Variants in KAZN observed in about 807,000 individuals in gnomAD.
The protein encoded by KAZN is kazrin.
A neutral mutation model predicts 87.4 loss-of-function variants in KAZN; 40 were observed. The observed-to-expected ratio is 0.46, with a 90% CI of 0.36 to 0.60. The LOEUF is 0.60. Among genes scored for constraint, KAZN ranks in the 20% least tolerant of loss-of-function variants. The pLI, the probability that KAZN is intolerant of heterozygous loss-of-function variation, is 0.00. For synonymous variants in KAZN, 466 were observed against 458.3 expected (o/e 1.02, Z -0.22); for missense variants, 898 against 1,073.9 (o/e 0.84, Z 2.29).
At chr1:14,350,910 CCT>C (rs1355146203) in intron 2 of KAZN, 1 of 152,276 alleles carries the variant, frequency 6.6e-6, no homozygotes, top group Non-Finnish European at 1.5e-5. Context: ...TTTGATGTCC[CCT>C]GAGTGGCAGG....
Position 14,049,451 on chromosome 1 carries a change from A to T in KAZN, c.92-130984A>T, listed in dbSNP as rs141043075. On this transcript the variant is annotated intron_variant, in intron 1 of 16. Transcript: ENST00000636203. ...CTGCACGTTGTGCACATGTACCCTA[A>T]AACTTAAAGTATAATTAAAACAAAC... 1.2e-3 allele frequency among the ~76,000 whole-genome samples: 190 copies of T among 152,292 alleles called. 5 individuals carry two copies. The East Asian group carries it at 0.028, about 23-fold the overall frequency.
chr1:14,566,779 C>T (rs1027396663), intron 2 of KAZN, among the ~76,000 whole-genome samples: 13 of 152,202 alleles, frequency 8.5e-5, no homozygotes, highest in African/African-American at 2.9e-4. Context: ...CAAACTTCTA[C>T]TAGCTCCCAA....
chr1:14,858,352 A>C (rs1650418095), intron 1 of KAZN, among the ~76,000 whole-genome samples: 1 of 151,750 alleles, frequency 6.6e-6, no homozygotes, highest in Non-Finnish European at 1.5e-5. Flanking sequence ...AGCTGGAATT[A>C]CAGGCGCCTG....
chr1:13,920,616 C>G (rs1426702425), intron 1 of KAZN, among the ~76,000 whole-genome samples: 3 of 152,146 alleles, frequency 2.0e-5, no homozygotes, highest in African/African-American at 7.2e-5. Flanking sequence ...CAGGAGCCTT[C>G]TCTCTTACAA....
At chr1:14,564,120 G>A (rs887119289) in intron 2 of KAZN, among the ~76,000 whole-genome samples, 4 of 151,910 alleles carry the variant, frequency 2.6e-5, no homozygotes, top group African/African-American at 9.7e-5. Flanking sequence ...GAGGGCCTTA[G>A]TACTTAAGTC....
chr1:14,914,327 C>T (rs1338853352), intron 1 of KAZN, among the ~76,000 whole-genome samples: 4 of 152,212 alleles, frequency 2.6e-5, no homozygotes, highest in Non-Finnish European at 5.9e-5. Flanking sequence ...CCTCTCTGGG[C>T]TTTGCATTTC....
At position 14,309,395 on chromosome 1, in the gene KAZN, T is replaced by C. The variant is rs138635805; in HGVS notation, c.249+128803T>C. Among the ~76,000 whole-genome samples, 787 of 152,328 alleles carry C rather than the reference T, an allele frequency of 5.2e-3. 9 individuals are homozygous for C. Among genetic ancestry groups the C allele is most frequent in the African/African-American group, 0.018 (749 of 41,574 alleles). On this transcript the variant is annotated intron_variant, in intron 2 of 16. Coordinates refer to the KAZN transcript ENST00000636203. ...GAGATATGGATATTTTTTCAGTTAC[T>C]ACAGCAGAGGACCTCAGTGTCCAGC...
intron 2 of KAZN, among the ~76,000 whole-genome samples, chr1:14,991,045 T>C (rs890351660): frequency 6.6e-6 from 1 of 151,650 alleles, no homozygotes; most frequent in South Asian, 2.1e-4. Flanking sequence ...AGAGTCTTTC[T>C]GCAGCCTCAG....
At chr1:14,035,026 AG>A (rs972776115) in intron 1 of KAZN, among the ~76,000 whole-genome samples, 1 of 152,196 alleles carries the variant, frequency 6.6e-6, no homozygotes, top group African/African-American at 2.4e-5. Flanking sequence ...GGTGACAAAA[AG>A]GCAGCATTCC....
intron 1 of KAZN, among the ~76,000 whole-genome samples, chr1:14,604,103 G>T (rs940931507): frequency 2.6e-5 from 4 of 152,134 alleles, no homozygotes; most frequent in Non-Finnish European, 2.9e-5. Context: ...TCTGCCTGCT[G>T]AGCCCAGAGA....
intron 1 of KAZN, among the ~76,000 whole-genome samples, chr1:14,012,896 T>C (rs1192984516): frequency 6.6e-6 from 1 of 152,234 alleles, no homozygotes; most frequent in Non-Finnish European, 1.5e-5. Flanking sequence ...ATTTATTTCA[T>C]TTTATTTCTC....
chr1:14,447,687 T>C (rs934442729), intron 2 of KAZN, among the ~76,000 whole-genome samples: 2 of 152,140 alleles, frequency 1.3e-5, no homozygotes, highest in African/African-American at 4.8e-5. Context: ...AGATTCTGGC[T>C]CAGGAATTCA....
At chr1:14,414,358 A>C (rs928049817) in intron 2 of KAZN, among the ~76,000 whole-genome samples, 4 of 152,068 alleles carry the variant, frequency 2.6e-5, no homozygotes, top group African/African-American at 4.8e-5. Context: ...AAAAAAAAAA[A>C]AAAAACCTTT....
intron 2 of KAZN, among the ~76,000 whole-genome samples, chr1:14,998,028 G>A (rs576450837): frequency 4.6e-5 from 7 of 152,234 alleles, no homozygotes; most frequent in African/African-American, 1.7e-4. Flanking sequence ...AATCGTGTTT[G>A]GTTTTGTCAT....
intron 1 of KAZN, among the ~76,000 whole-genome samples, chr1:14,156,049 T>C (rs1645586576): frequency 6.6e-6 from 1 of 152,206 alleles, no homozygotes; most frequent in Non-Finnish European, 1.5e-5. Flanking sequence ...TATTATCATT[T>C]ATTGCAAGAA....
intron 2 of KAZN, among the ~76,000 whole-genome samples, chr1:14,204,128 C>T (rs971123357): frequency 4.6e-5 from 7 of 152,238 alleles, no homozygotes; most frequent in Admixed American, 2.0e-4. Context: ...GCAGTTAAGA[C>T]TGGTTGACCC....
intron 2 of KAZN, among the ~76,000 whole-genome samples, chr1:14,417,993 C>CAAAAAAAAAAAAAAA (rs58803467): frequency 8.9e-5 from 3 of 33,814 alleles, no homozygotes; most frequent in Non-Finnish European, 1.1e-4. Context: ...GAGACTGCCT[C>CAAAAAAAAAAAAAAA]AAAAAAAAAA....
intron 1 of KAZN, among the ~76,000 whole-genome samples, chr1:14,917,711 T>C (rs1187159631): frequency 1.3e-5 from 2 of 152,164 alleles, no homozygotes; most frequent in African/African-American, 2.4e-5. Flanking sequence ...TCCTGGCCTC[T>C]CTGCTTCTAG....
chr1:14,749,558 C>G (rs1644355286), intron 1 of KAZN, among the ~76,000 whole-genome samples: 1 of 152,144 alleles, frequency 6.6e-6, no homozygotes, highest in African/African-American at 2.4e-5. Flanking sequence ...AAAAGAGAAC[C>G]ATGATGCAGC....
Sources: allele counts gnomAD v4.1 joint callset (sites outside exome capture counted in the v4.1 genomes callset), GRCh38; gene constraint gnomAD v4.1.1; transcripts MANE v1.5; gene names NCBI Gene and HGNC (gene_info 2026-07-23, HGNC 2026-07-21).